Variants in LRMDA observed in about 807,000 individuals in gnomAD.
LRMDA encodes the protein leucine-rich melanocyte differentiation-associated protein.
LRMDA carries 18 observed loss-of-function variants against 29.8 expected under a neutral mutation model. The ratio of observed to expected loss-of-function variants is 0.60; its 90% confidence interval spans 0.42 to 0.90. The LOEUF (loss-of-function observed/expected upper bound fraction) is 0.90. LRMDA is among the 40% of genes least tolerant of loss of function. LRMDA has a pLI of 0.00. For synonymous variants in LRMDA, 125 were observed against 109.4 expected (o/e 1.14, Z -0.89); for missense variants, 273 against 273.9 (o/e 1.00, Z 0.02).
At position 75,790,585 on chromosome 10, in the gene LRMDA, G is replaced by A. The variant is rs530547634; in HGVS notation, c.132-245423G>A. Among the ~76,000 whole-genome samples, 415 of 152,274 alleles carry A rather than the reference G, an allele frequency of 2.7e-3. 4 individuals are homozygous for A. The highest frequency in any genetic ancestry group is 9.3e-3 in the African/African-American group (385 of 41,542). Reference sequence around the variant, plus strand: ...GACATAAACGTAAAGTATCACAAGAGCTTATGCTGCTCCTCTTCTTGGTAC... The same window carrying A: ...GACATAAACGTAAAGTATCACAAGAACTTATGCTGCTCCTCTTCTTGGTAC... On this transcript the variant is annotated intron_variant, in intron 2 of 6. Coordinates refer to ENST00000611255, the MANE Select transcript of LRMDA (RefSeq NM_001305581.2).
chr10:76,243,424 T>C (rs1007584116), intron 5 of LRMDA, among the ~76,000 whole-genome samples: 1 of 152,172 alleles, frequency 6.6e-6, no homozygotes, highest in African/African-American at 2.4e-5. Context: ...TATTAGTGGG[T>C]GGCTGTAGCT....
chr10:76,183,356 A>G (rs1851088510), intron 5 of LRMDA, among the ~76,000 whole-genome samples: 2 of 152,222 alleles, frequency 1.3e-5, no homozygotes, highest in Non-Finnish European at 2.9e-5. Context: ...TTAATGAGAT[A>G]TTTGCAATGC....
Position 76,132,966 on chromosome 10 carries a change from CTTTT to C in LRMDA, c.516+74208_516+74211del, listed in dbSNP as rs35997711. The stretch of plus-strand genomic sequence containing the variant: ...TACAGGCATCCACCACCACGCCCGG[CTTTT>C]TTTTTTTTTTTTTTTTTTTTTTTTG... On this transcript the variant is annotated intron_variant, in intron 5 of 6. Coordinates refer to ENST00000611255, the MANE Select transcript of LRMDA (RefSeq NM_001305581.2). 7.8e-4 allele frequency among the ~76,000 whole-genome samples: 45 copies of C among 57,384 alleles called. 1 individual carries two copies. Among genetic ancestry groups the C allele is most frequent in the African/African-American group, 2.9e-3 (42 of 14,496 alleles). 37.6% of individuals were successfully genotyped at this position (57,384 alleles called of 152,430 possible).
chr10:75,536,760 A>G (rs1312296172), intron 2 of LRMDA, among the ~76,000 whole-genome samples: 1 of 151,920 alleles, frequency 6.6e-6, no homozygotes, highest in African/African-American at 2.4e-5. Flanking sequence ...GGGTCTTGCT[A>G]TGCTGACCAG....
chr10:76,237,744 A>C (rs1382345570), intron 5 of LRMDA, among the ~76,000 whole-genome samples: 3 of 149,784 alleles, frequency 2.0e-5, no homozygotes, highest in Non-Finnish European at 4.4e-5. Flanking sequence ...CTGTGATTGC[A>C]ACCTAAATTT....
intron 2 of LRMDA, among the ~76,000 whole-genome samples, chr10:75,606,353 A>T (rs765710406): frequency 2.0e-5 from 3 of 152,210 alleles, no homozygotes; most frequent in Non-Finnish European, 4.4e-5. Context: ...ATGGAAAGAA[A>T]ATGTCAGAAC....
At chr10:75,786,912 A>G (rs1843480929) in intron 2 of LRMDA, among the ~76,000 whole-genome samples, 1 of 152,234 alleles carries the variant, frequency 6.6e-6, no homozygotes, top group African/African-American at 2.4e-5. Context: ...ATGAATCCTA[A>G]ATGGACTTGG....
chr10:75,855,301 C>A (rs1370574729), intron 2 of LRMDA, among the ~76,000 whole-genome samples: 5 of 152,160 alleles, frequency 3.3e-5, no homozygotes, highest in African/African-American at 1.2e-4. Flanking sequence ...TTTTGATTTG[C>A]ATTTCTCTGA....
intron 5 of LRMDA, among the ~76,000 whole-genome samples, chr10:76,076,571 A>G (rs7068681): frequency 0.38 from 57,327 of 151,902 alleles, 12,056 homozygotes; most frequent in Non-Finnish European, 0.46. Context: ...TTACAAATAA[A>G]GAGCACTAAG....
intron 5 of LRMDA, among the ~76,000 whole-genome samples, chr10:76,307,764 G>A (rs1329750838): frequency 6.6e-6 from 1 of 152,156 alleles, no homozygotes; most frequent in Non-Finnish European, 1.5e-5. Flanking sequence ...GGGGGCTCCT[G>A]GGAGGCCACC....
chr10:75,844,751 A>T (rs1844604256), intron 2 of LRMDA, among the ~76,000 whole-genome samples: 1 of 152,250 alleles, frequency 6.6e-6, no homozygotes, highest in South Asian at 2.1e-4. Context: ...GCGTCTGATC[A>T]TTTAACTAGC....
At chr10:76,555,562 C>G (rs1843545952) in intron 6 of LRMDA, among the ~76,000 whole-genome samples, 1 of 152,162 alleles carries the variant, frequency 6.6e-6, no homozygotes, top group South Asian at 2.1e-4. Context: ...CAATTTCTAG[C>G]TTTGTTCCAA....
chr10:76,529,938 T>G (rs973820831), intron 6 of LRMDA, among the ~76,000 whole-genome samples: 2 of 152,124 alleles, frequency 1.3e-5, no homozygotes, highest in Non-Finnish European at 2.9e-5. Context: ...ATTTTCATTA[T>G]TTTCCAAAGA....
intron 2 of LRMDA, among the ~76,000 whole-genome samples, chr10:75,969,466 C>A (rs1846926326): frequency 6.6e-6 from 1 of 152,212 alleles, no homozygotes; most frequent in Admixed American, 6.5e-5. Context: ...GTCAAAAATT[C>A]TCCCCCACTG....
At chr10:76,031,546 A>G (rs1848150824) in intron 2 of LRMDA, among the ~76,000 whole-genome samples, 1 of 152,096 alleles carries the variant, frequency 6.6e-6, no homozygotes, top group South Asian at 2.1e-4. Flanking sequence ...ACAGCTTTCT[A>G]GGAGTATGGA....
chr10:76,146,433 T>C (rs1490743123), intron 5 of LRMDA, among the ~76,000 whole-genome samples: 1 of 151,584 alleles, frequency 6.6e-6, no homozygotes, highest in Admixed American at 6.6e-5. Flanking sequence ...TTGATCCCTT[T>C]ACCATTATGT....
At chr10:75,610,321 C>T (rs142012488) in intron 2 of LRMDA, among the ~76,000 whole-genome samples, 1 of 152,006 alleles carries the variant, frequency 6.6e-6, no homozygotes, top group African/African-American at 2.4e-5. Flanking sequence ...TAGACACAGA[C>T]ACACACCACA....
intron 5 of LRMDA, among the ~76,000 whole-genome samples, chr10:76,296,342 C>T (rs914410838): frequency 1.3e-5 from 2 of 152,192 alleles, no homozygotes; most frequent in African/African-American, 4.8e-5. Flanking sequence ...GAGCCATAGG[C>T]AGATGTGCTG....
At chr10:76,467,391 G>A (rs1332164906) in intron 6 of LRMDA, among the ~76,000 whole-genome samples, 2 of 152,222 alleles carry the variant, frequency 1.3e-5, no homozygotes. Flanking sequence ...CCAGCTGGTG[G>A]AAACGCCATG....
Sources: gnomAD v4.1 joint callset for allele counts (sites outside exome capture counted in the v4.1 genomes callset) on GRCh38, gnomAD v4.1.1 for gene constraint, MANE v1.5 for transcripts, NCBI Gene and HGNC (gene_info 2026-07-23, HGNC 2026-07-21) for gene names.